The following AKTIP variants were observed in gnomAD, a reference collection of about 807,000 sequenced individuals.
AKTIP encodes AKT-interacting protein.
A neutral mutation model predicts 39.1 loss-of-function variants in AKTIP; 16 were observed. That is an observed-to-expected ratio of 0.41 (90% confidence interval 0.28 to 0.62). The LOEUF (loss-of-function observed/expected upper bound fraction) is 0.62. Ranked by LOEUF, AKTIP falls within the 20% of genes least tolerant of loss-of-function variation. AKTIP has a pLI of 0.32. For missense variants in AKTIP, 262 were observed against 356.6 expected (o/e 0.73, Z 2.14); for synonymous variants, 93 against 124.3 (o/e 0.75, Z 1.67).
At chr16:53,501,501 T>G (rs1205472873) in intron 1 of AKTIP, 1 of 152,232 alleles carries the variant, frequency 6.6e-6, no homozygotes, top group Non-Finnish European at 1.5e-5. Flanking sequence ...GCCCTGGTAT[T>G]TCCCCCCAGG....
intron 8 of AKTIP, 198 bp downstream of exon 8, chr16:53,493,940 T>C (rs902474489): frequency 1.1e-5 from 6 of 549,824 alleles, no homozygotes; most frequent in African/African-American, 9.4e-5. Flanking sequence ...CGGCACAGCC[T>C]GTCAGATGTG....
rs1489737410 is a variant in AKTIP at position 53,491,085 on chromosome 16, GT to G, written c.*1326del. 1 of 152,484 alleles carries G rather than the reference GT, an allele frequency of 6.6e-6. No homozygotes were observed. Among genetic ancestry groups the G allele is most frequent in the Non-Finnish European group, 1.5e-5 (1 of 68,004 alleles). The allele number at this position is 152,484 out of a possible 1,614,324, so 9.4% of individuals were successfully genotyped here. A position where few individuals can be genotyped will look rare whatever the true frequency, so the allele number is the denominator to read the frequency against. On this transcript the variant is annotated 3_prime_UTR_variant, in exon 10 of 10. Coordinates refer to ENST00000394657, the MANE Select transcript of AKTIP (RefSeq NM_022476.4). ...TAATGCTTTTATATTTTTTTAAAAT[GT>G]TAAAACCCCTATAGCCACCTTTTGG...
chr16:53,503,777 C>T (rs1387567584), upstream of AKTIP, among the ~76,000 whole-genome samples: 1 of 152,216 alleles, frequency 6.6e-6, no homozygotes, highest in Non-Finnish European at 1.5e-5. Context: ...CACGTCGGGC[C>T]CACAGGGTAC....
upstream of AKTIP, among the ~76,000 whole-genome samples, chr16:53,504,088 CTTTT>C (rs766022873): frequency 2.2e-4 from 30 of 133,778 alleles, no homozygotes; most frequent in Non-Finnish European, 3.4e-4. Context: ...AGTTCCTGGT[CTTTT>C]TTTTTTTTTT....
chr16:53,504,088 CTTT>C (rs766022873), upstream of AKTIP, among the ~76,000 whole-genome samples: 1,237 of 133,754 alleles, frequency 9.2e-3, 18 homozygotes, highest in African/African-American at 0.031. Flanking sequence ...AGTTCCTGGT[CTTT>C]TTTTTTTTTT....
intron 3 of AKTIP, among the ~76,000 whole-genome samples, chr16:53,496,523 T>TTTTTAAAAA (rs1567758508): frequency 1.4e-5 from 2 of 141,764 alleles, no homozygotes; most frequent in African/African-American, 2.6e-5. Flanking sequence ...TTTTTTGGTT[T>TTTTTAAAAA]AAAAAAAAAA....
At chr16:53,494,908 G>A in intron 5 of AKTIP, 165 bp downstream of exon 5, 1 of 768,832 alleles carries the variant, frequency 1.3e-6, no homozygotes, top group Non-Finnish European at 2.3e-6. Flanking sequence ...ACAAAGCTCT[G>A]ATGGCATGCC....
rs1311348391 is a variant in AKTIP at position 53,492,373 on chromosome 16, C to T, written c.*39G>A. On this transcript the variant is annotated 3_prime_UTR_variant, in exon 10 of 10. Transcript: ENST00000394657. ...TGGTCAGCTTGAACTAGGCCAGAGT[C>T]TAGCAGGAAAGTGCATGGTGCACCA... 6.3e-7 allele frequency: 1 copy of T among 1,576,150 alleles called. No homozygotes were observed. The highest frequency in any genetic ancestry group is 1.4e-5 in the African/African-American group (1 of 74,042).
At chr16:53,494,475 T>C (rs747077349) in intron 6 of AKTIP, 38 bp from the exon 7 acceptor site, 25 of 1,613,774 alleles carry the variant, frequency 1.5e-5, no homozygotes, top group Admixed American at 5.0e-5. Context: ...AGGCGTCCTC[T>C]TGCTGTATTA....
intron 1 of AKTIP, 161 bp downstream of exon 1, chr16:53,502,986 C>T (rs972754058): frequency 1.2e-4 from 19 of 152,374 alleles, no homozygotes; most frequent in African/African-American, 4.6e-4. Context: ...CAAACGCGCA[C>T]AGGTGCCCGG....
chr16:53,500,739 T>C (rs767337827), intron 1 of AKTIP, among the ~76,000 whole-genome samples: 6 of 152,206 alleles, frequency 3.9e-5, no homozygotes, highest in African/African-American at 1.2e-4. Flanking sequence ...TACAATATAA[T>C]GTTATATAAC....
In AKTIP at chr16:53,492,153, C is replaced by CTT. The variant is rs1555571638; in HGVS notation, c.*257_*258dup. 2 of 396,298 alleles carry CTT rather than the reference C, an allele frequency of 5.0e-6. No homozygotes were observed. Among genetic ancestry groups the CTT allele is most frequent in the African/African-American group, 4.1e-5 (2 of 49,298 alleles). 24.5% of individuals were successfully genotyped at this position (396,298 alleles called of 1,614,324 possible). A position where few individuals can be genotyped will look rare whatever the true frequency, so the allele number is the denominator to read the frequency against. On this transcript the variant is annotated 3_prime_UTR_variant, in exon 10 of 10. Coordinates refer to ENST00000394657, the MANE Select transcript of AKTIP (RefSeq NM_022476.4). ...CTTTAGCATTATATTCAGAAAAATACTTACTTAAGCCTCAAGGTCCCCAAT... is the reference window on the plus strand; with the variant it reads ...CTTTAGCATTATATTCAGAAAAATACTTTTACTTAAGCCTCAAGGTCCCCAAT...
chr16:53,501,315 T>C (rs1346529196), intron 1 of AKTIP: 1 of 152,076 alleles, frequency 6.6e-6, no homozygotes, highest in East Asian at 1.9e-4. Flanking sequence ...TCCAGACAAA[T>C]GCAACACAGG....
Position 53,492,960 on chromosome 16 carries a change from C to T in AKTIP, c.711-207G>A, listed in dbSNP as rs547490585. 15 of 549,006 alleles carry T rather than the reference C, an allele frequency of 2.7e-5. No individual in the cohort carries two copies. In the South Asian group the frequency reaches 3.4e-4, roughly 12 times the overall value. 34.0% of individuals were successfully genotyped at this position (549,006 alleles called of 1,614,324 possible). A position where few individuals can be genotyped will look rare whatever the true frequency, so the allele number is the denominator to read the frequency against. On this transcript the variant is annotated intron_variant, in intron 8 of 9. Coordinates refer to ENST00000394657, the MANE Select transcript of AKTIP (RefSeq NM_022476.4). ...GAATGATCTCATTTAAGCCTCACAC[C>T]ACCCCTTGAAGTACTGTTATTTAAA...
intron 1 of AKTIP, among the ~76,000 whole-genome samples, chr16:53,502,019 C>T (rs1039922552): frequency 6.6e-6 from 1 of 152,200 alleles, no homozygotes; most frequent in Non-Finnish European, 1.5e-5. Context: ...AACACGGGAC[C>T]GGATCCCTTG....
At position 53,498,439 on chromosome 16, in the gene AKTIP, T is replaced by A. The variant is rs1961969850; in HGVS notation, c.200A>T (p.His67Leu). 1 of 1,613,942 alleles carries A rather than the reference T, an allele frequency of 6.2e-7. No individual in the cohort carries two copies. ...CAGGTAGAAGGGTCCATAGGACGCA[T>A]GCGTGCCATTTGTTGACTGTGCTGC... ...APAAQSTNGT[H>L]ASYGPFYLEY... Residue 67 changes from histidine (H) to leucine (L), a missense_variant, in exon 3 of 10, where the codon CAT (histidine) becomes CTT (leucine). Physicochemically the swap from His to Leu is moderately conservative, Grantham distance 99. This residue lies in a region of AKTIP where 88 missense variants were observed against 132.1 expected (regional missense o/e 0.67). Coordinates refer to ENST00000394657, the MANE Select transcript of AKTIP (RefSeq NM_022476.4).
chr16:53,500,368 C>G, intron 1 of AKTIP, 39 bp from the exon 2 acceptor site: 1 of 1,407,622 alleles, frequency 7.1e-7, no homozygotes, highest in Non-Finnish European at 9.6e-7. Flanking sequence ...CATGCCAACA[C>G]CAACCATTAA....
At chr16:53,494,091 T>C in intron 8 of AKTIP, 47 bp downstream of exon 8, 1 of 1,371,020 alleles carries the variant, frequency 7.3e-7, no homozygotes, top group Non-Finnish European at 1.0e-6. Flanking sequence ...GGAAGCAGTG[T>C]ATTGGAAAGG....
chr16:53,500,195 C>T, intron 2 of AKTIP, 23 bp downstream of exon 2: 1 of 1,576,346 alleles, frequency 6.3e-7, no homozygotes, highest in Non-Finnish European at 8.7e-7. Context: ...GGTTTTCTTA[C>T]TGAATTTATC....
Sources: allele counts gnomAD v4.1 joint callset (sites outside exome capture counted in the v4.1 genomes callset), GRCh38; gene constraint gnomAD v4.1.1; regional missense constraint gnomAD v4.1.1; transcripts MANE v1.5; gene names NCBI Gene and HGNC (gene_info 2026-07-23, HGNC 2026-07-21).